The following ZAR1 variants were observed in gnomAD, a reference collection of about 807,000 sequenced individuals.
ZAR1 encodes zygote arrest protein 1.
ZAR1 carries 37 observed loss-of-function variants against 38.3 expected under a neutral mutation model. The observed-to-expected ratio is 0.97, with a 90% CI of 0.74 to 1.27. ZAR1 has a LOEUF of 1.27. Among genes scored for constraint, ZAR1 ranks in the 50% most tolerant of loss-of-function variants. The probability of loss-of-function intolerance (pLI) is 0.00; values close to 1 mark genes in which losing one functional copy is unlikely to be tolerated. For synonymous variants in ZAR1, 336 were observed against 292.0 expected (o/e 1.15, Z -1.53); for missense variants, 651 against 632.4 (o/e 1.03, Z -0.32).
At chr4:48,496,263 G>A (rs112117685), downstream of ZAR1, among the ~76,000 whole-genome samples, 533 of 152,264 alleles carry the variant, frequency 3.5e-3, 4 homozygotes, top group African/African-American at 0.013. Context: ...GGGTAAAGGC[G>A]ATGTGTTTTT....
At chr4:48,491,323 G>T in intron 1 of ZAR1, 69 bp downstream of exon 1, 5 of 1,160,336 alleles carry the variant, frequency 4.3e-6, no homozygotes, top group Non-Finnish European at 5.4e-6. Context: ...GCCTGGCCCT[G>T]TGACTGCTTC....
downstream of ZAR1, chr4:48,494,425 A>G (rs1283023151): frequency 1.3e-6 from 1 of 769,290 alleles, no homozygotes; most frequent in South Asian, 1.9e-5. Flanking sequence ...TTGAAAATAA[A>G]GTTTCAAGAG....
At chr4:48,492,905 G>A (rs369215027) in intron 2 of ZAR1, 33 bp from the exon 3 acceptor site, 46 of 1,613,940 alleles carry the variant, frequency 2.9e-5, no homozygotes, top group Non-Finnish European at 3.9e-5. Flanking sequence ...AAGTGTCAAG[G>A]CGATTTTAAG....
Position 48,492,793 on chromosome 4 carries a change from C to T in ZAR1, c.991C>T (p.His331Tyr), listed in dbSNP as rs1229696349. 1 of 1,614,114 alleles carries T rather than the reference C, an allele frequency of 6.2e-7. No homozygotes were observed. The change falls in exon 2 of 4, where the codon CAC becomes TAC. Residue 331 changes from histidine to tyrosine, a missense_variant. Physicochemically the swap from His to Tyr is moderately conservative, Grantham distance 83. Coordinates refer to ENST00000327939, the MANE Select transcript of ZAR1 (RefSeq NM_175619.3). ...QFLEQKYGYY[H>Y]CKDCNIRWES... ...CTTAGAGCAGAAATATGGCTATTAC[C>T]ACTGCAAGGACTGCAACATCCGCTG... is the stretch of plus-strand genomic sequence containing the variant.
rs1718385151 is a variant in ZAR1 at position 48,490,343 on chromosome 4, C to T, written c.52C>T (p.Pro18Ser). 1 of 1,513,470 alleles carries T rather than the reference C, an allele frequency of 6.6e-7. No individual in the cohort carries two copies. The highest frequency in any genetic ancestry group is 8.8e-7 in the Non-Finnish European group (1 of 1,137,054). The allele number at this position is 1,513,470 out of a possible 1,614,324, so 93.8% of individuals were successfully genotyped here. Residue 18 changes from proline to serine, a missense_variant, in exon 1 of 4, where the codon CCC becomes TCC. Pro to Ser is a moderately conservative substitution (Grantham distance 74, BLOSUM62 -1). Transcript: ENST00000327939. Reference protein sequence around the residue: ...VLDGYVFPACPPCSYRYPYPA... With the variant: ...VLDGYVFPACSPCSYRYPYPA... ...GGACGGTTACGTGTTCCCGGCGTGCCCCCCCTGCTCGTACCGGTACCCATA... is the reference window on the plus strand; with the variant it reads ...GGACGGTTACGTGTTCCCGGCGTGCTCCCCCTGCTCGTACCGGTACCCATA...
Position 48,490,683 on chromosome 4 carries a change from C to T in ZAR1, c.392C>T (p.Ala131Val). 2 of 1,314,318 alleles carry T rather than the reference C, an allele frequency of 1.5e-6. No individual in the cohort carries two copies. The highest frequency in any genetic ancestry group is 1.9e-6 in the Non-Finnish European group (2 of 1,036,494). The allele number at this position is 1,314,318 out of a possible 1,614,324, so 81.4% of individuals were successfully genotyped here. A position where few individuals can be genotyped will look rare whatever the true frequency, so the allele number is the denominator to read the frequency against. Residue 131 changes from alanine to valine, a missense_variant, in exon 1 of 4, where the codon GCC becomes GTC. By Grantham distance (64) the Ala-to-Val change is moderately conservative. Transcript: ENST00000327939. ...GGGAGGCGCACGCTGCAGCGCCGGGCCCGCGACCCCGAGTCCCCGGCCGGC... is the reference window on the plus strand; with the variant it reads ...GGGAGGCGCACGCTGCAGCGCCGGGTCCGCGACCCCGAGTCCCCGGCCGGC... ...SLGRRTLQRR[A>V]RDPESPAGPG...
Position 48,494,248 on chromosome 4 carries a change from A to G in ZAR1, c.*4A>G. The G allele has an allele frequency of 6.2e-7, 1 of 1,612,850 alleles. No homozygotes were observed. ...CAGCTTCAAATACATCATTTAGGTGAAAGTCAGTGTTGCTGTGCATGCGCT... is the reference window on the plus strand; with the variant it reads ...CAGCTTCAAATACATCATTTAGGTGGAAGTCAGTGTTGCTGTGCATGCGCT... On this transcript the variant is annotated 3_prime_UTR_variant, in exon 4 of 4. Transcript: ENST00000327939.
rs1177021620 is a variant in ZAR1, at chr4:48,492,809, A to G, written c.1007A>G (p.Asn336Ser). ...KYGYYHCKDC[N>S]IRWESAYVWC... The stretch of plus-strand genomic sequence containing the variant: ...GGCTATTACCACTGCAAGGACTGCA[A>G]CATCCGCTGGGAGAGTGCTTATGTG... The change falls in exon 2 of 4, where the codon AAC (asparagine) becomes AGC (serine). Residue 336 changes from asparagine to serine, a missense_variant. This residue lies in a region of ZAR1 where 129 missense variants were observed against 172.5 expected (regional missense o/e 0.75). Coordinates refer to ENST00000327939, the MANE Select transcript of ZAR1 (RefSeq NM_175619.3). The G allele has an allele frequency of 1.2e-6, 2 of 1,614,242 alleles. No homozygotes were observed. Among genetic ancestry groups the G allele is most frequent in the African/African-American group, 1.3e-5 (1 of 75,072 alleles).
chr4:48,494,404 A>G, downstream of ZAR1: 1 of 913,130 alleles, frequency 1.1e-6, no homozygotes, highest in Non-Finnish European at 1.6e-6. Flanking sequence ...TACATTGCAT[A>G]AAATCTGTCT....
At chr4:48,494,493 A>AT, downstream of ZAR1, 2 of 471,018 alleles carry the variant, frequency 4.2e-6, no homozygotes, top group Non-Finnish European at 7.5e-6. Flanking sequence ...ATGCTTGCTG[A>AT]TGGCATAGAG....
In ZAR1 at chr4:48,490,830, C is replaced by T; in HGVS notation, c.539C>T (p.Ala180Val). The T allele has an allele frequency of 6.6e-7, 1 of 1,506,544 alleles. No individual in the cohort carries two copies. Among genetic ancestry groups the T allele is most frequent in the South Asian group, 1.2e-5 (1 of 80,606 alleles). 93.3% of individuals were successfully genotyped at this position (1,506,544 alleles called of 1,614,324 possible). Reference protein sequence around the residue: ...PRPMRFPRTVAVYSPLALRRL... With the variant: ...PRPMRFPRTVVVYSPLALRRL... ...CCCATGCGCTTCCCGCGCACCGTCGCCGTGTACTCGCCCCTGGCCTTGCGC... is the reference window on the plus strand; with the variant it reads ...CCCATGCGCTTCCCGCGCACCGTCGTCGTGTACTCGCCCCTGGCCTTGCGC... The change falls in exon 1 of 4, where the codon GCC becomes GTC. Residue 180 changes from alanine (A) to valine (V), a missense_variant. Around this residue, in one of 2 missense-constraint regions of ZAR1, gnomAD observed 522 missense variants for 459.9 expected, o/e 1.14. Coordinates refer to ENST00000327939, the MANE Select transcript of ZAR1 (RefSeq NM_175619.3).
At chr4:48,493,227 A>G (rs1402086955) in intron 3 of ZAR1, among the ~76,000 whole-genome samples, 1 of 152,208 alleles carries the variant, frequency 6.6e-6, no homozygotes, top group Non-Finnish European at 1.5e-5. Flanking sequence ...AACCTCTTCT[A>G]AAACTGTTAA....
At position 48,490,260 on chromosome 4, in the gene ZAR1, AGGGTGC is replaced by A; in HGVS notation, c.-29_-24del. 6.8e-7 allele frequency: 1 copy of A among 1,477,538 alleles called. No individual in the cohort carries two copies. The highest frequency in any genetic ancestry group is 1.3e-5 in the South Asian group (1 of 77,806). The allele number at this position is 1,477,538 out of a possible 1,614,324, so 91.5% of individuals were successfully genotyped here. On this transcript the variant is annotated 5_prime_UTR_variant, in exon 1 of 4. Coordinates refer to ENST00000327939, the MANE Select transcript of ZAR1 (RefSeq NM_175619.3). ...GGCCGCCCGGGCAAGTCGCCTATTT[AGGGTGC>A]GGCGGCGGGCGGGAGCAGTGCGCCC...
In ZAR1 at chr4:48,490,864, C is replaced by T. The variant is rs2148673679; in HGVS notation, c.573C>T (p.Thr191=). The change falls in exon 1 of 4, where the codon ACC becomes ACT. Residue 191 remains threonine, a synonymous_variant. Coordinates refer to ENST00000327939, the MANE Select transcript of ZAR1 (RefSeq NM_175619.3). The stretch of plus-strand genomic sequence containing the variant: ...CGCCCCTGGCCTTGCGCCGTCTCAC[C>T]GCCTTCCTGGAGGGGCCCGGGCCCG... ...VYSPLALRRL[T]AFLEGPGPAA... is the part of the protein sequence containing the mutation. 1 of 1,461,426 alleles carries T rather than the reference C, an allele frequency of 6.8e-7. No individual in the cohort carries two copies. The highest frequency in any genetic ancestry group is 9.0e-7 in the Non-Finnish European group (1 of 1,111,488). The allele number at this position is 1,461,426 out of a possible 1,614,324, so 90.5% of individuals were successfully genotyped here.
rs765565670 is a variant in ZAR1, at chr4:48,490,297, G to T, written c.6G>T (p.Ala2=). Residue 2 remains alanine, a synonymous_variant, in exon 1 of 4, where the codon GCG becomes GCT. Transcript: ENST00000327939. ...CGGGCGGGAGCAGTGCGCCCATGGC[G>T]GCCCTGGGGGACGAGGTGCTGGACG... M[A]ALGDEVLDGY... 8.0e-6 allele frequency: 12 copies of T among 1,502,358 alleles called. No individual in the cohort carries two copies. The Admixed American group carries it at 2.2e-4, about 27-fold the overall frequency. 93.1% of individuals were successfully genotyped at this position (1,502,358 alleles called of 1,614,324 possible). A position where few individuals can be genotyped will look rare whatever the true frequency, so the allele number is the denominator to read the frequency against.
At chr4:48,492,432 A>T (rs533638358) in intron 1 of ZAR1, among the ~76,000 whole-genome samples, 2 of 152,350 alleles carry the variant, frequency 1.3e-5, no homozygotes, top group East Asian at 3.9e-4. Flanking sequence ...ATGTGTGCAT[A>T]GTCTAAGATC....
chr4:48,492,801 G>A lies in ZAR1; in HGVS notation c.999G>A (p.Lys333=), dbSNP rs752082099. 6.2e-7 allele frequency: 1 copy of A among 1,614,174 alleles called. No homozygotes were observed. The highest frequency in any genetic ancestry group is 8.5e-7 in the Non-Finnish European group (1 of 1,180,036). Residue 333 remains lysine (K), a synonymous_variant, in exon 2 of 4, where the codon AAG becomes AAA. Coordinates refer to ENST00000327939, the MANE Select transcript of ZAR1 (RefSeq NM_175619.3). ...AGAAATATGGCTATTACCACTGCAA[G>A]GACTGCAACATCCGCTGGGAGAGTG... ...LEQKYGYYHC[K]DCNIRWESAY...
rs1170417661 is a variant in ZAR1 at position 48,490,740 on chromosome 4, C to T, written c.449C>T (p.Ser150Phe). 6 of 1,394,874 alleles carry T rather than the reference C, an allele frequency of 4.3e-6. No individual in the cohort carries two copies. 86.4% of individuals were successfully genotyped at this position (1,394,874 alleles called of 1,614,324 possible). Reference sequence around the variant, plus strand: ...GCCGAGGGCACCACGGGTGGCGGCTCTTTCTCCCAGCAGCCATCCCGTCGA... The same window carrying T: ...GCCGAGGGCACCACGGGTGGCGGCTTTTTCTCCCAGCAGCCATCCCGTCGA... ...PGAEGTTGGG[S>F]FSQQPSRRGL... The change falls in exon 1 of 4, where the codon TCT becomes TTT. Residue 150 changes from serine to phenylalanine, a missense_variant. Physicochemically the swap from Ser to Phe is radical, Grantham distance 155. Transcript: ENST00000327939.
At chr4:48,496,153 A>AAATC (rs1043693351), downstream of ZAR1, among the ~76,000 whole-genome samples, 1 of 152,152 alleles carries the variant, frequency 6.6e-6, no homozygotes, top group African/African-American at 2.4e-5. Context: ...ATAGATTAAA[A>AAATC]AATCACTCCA....
Sources: allele counts gnomAD v4.1 joint callset (sites outside exome capture counted in the v4.1 genomes callset), GRCh38; gene constraint gnomAD v4.1.1; regional missense constraint gnomAD v4.1.1; transcripts MANE v1.5; gene names NCBI Gene and HGNC (gene_info 2026-07-23, HGNC 2026-07-21).